Variants in RPH3A observed in about 807,000 individuals in gnomAD.
The protein encoded by RPH3A is rabphilin-3A.
Under a neutral mutation model 102.2 loss-of-function variants are expected in RPH3A, and 48 were observed. The ratio of observed to expected loss-of-function variants is 0.47; its 90% CI spans 0.37 to 0.60. The LOEUF is 0.60. RPH3A is among the 20% of genes least tolerant of loss of function. The pLI, the probability that RPH3A is intolerant of heterozygous loss-of-function variation, is 0.00. For missense variants in RPH3A, 781 were observed against 910.1 expected, an observed-to-expected ratio of 0.86 and a Z score of 1.83; for synonymous variants, 310 against 324.3, an observed-to-expected ratio of 0.96 and a Z score of 0.47.
At chr12:112,839,970 C>A (rs901697749) in intron 4 of RPH3A, among the ~76,000 whole-genome samples, 3 of 152,072 alleles carry the variant, frequency 2.0e-5, no homozygotes, top group Non-Finnish European at 4.4e-5. Context: ...GCCTGGGCAA[C>A]CGAGTGAGAC....
At chr12:112,755,621 G>T (rs1259189761) in intron 1 of RPH3A, among the ~76,000 whole-genome samples, 2 of 152,086 alleles carry the variant, frequency 1.3e-5, no homozygotes, top group African/African-American at 4.8e-5. Context: ...GCATGCCCTG[G>T]TTAACTATTA....
intron 20 of RPH3A, 169 bp from the exon 21 acceptor site, chr12:112,895,608 G>A (rs1593141224): frequency 3.5e-6 from 2 of 570,358 alleles, no homozygotes; most frequent in East Asian, 5.6e-5. Context: ...TGTTGGAAGG[G>A]GATCACGGGA....
At chr12:112,620,743 C>T (rs2039715691) in intron 1 of RPH3A, among the ~76,000 whole-genome samples, 1 of 152,166 alleles carries the variant, frequency 6.6e-6, no homozygotes, top group Non-Finnish European at 1.5e-5. Context: ...CGTGGTCTTG[C>T]CACTGCCATT....
intron 1 of RPH3A, among the ~76,000 whole-genome samples, chr12:112,783,072 C>T (rs1353870879): frequency 1.3e-5 from 2 of 152,140 alleles, no homozygotes; most frequent in African/African-American, 2.4e-5. Context: ...GAGATGGGCT[C>T]TCACCATTTC....
At chr12:112,597,414 C>T (rs994721006) in intron 1 of RPH3A, among the ~76,000 whole-genome samples, 1 of 152,004 alleles carries the variant, frequency 6.6e-6, no homozygotes, top group Non-Finnish European at 1.5e-5. Context: ...AAAACCCCAC[C>T]TCTACTAAAA....
Position 112,656,143 on chromosome 12 carries a change from A to AG in RPH3A, c.-140+80824_-140+80825insG, listed in dbSNP as rs572089274. On this transcript the variant is annotated intron_variant, in intron 1 of 21. Coordinates refer to the RPH3A transcript ENST00000543106. Reference sequence around the variant, plus strand: ...ATGATGCAGCCACAAGTCTTGGTAAACACAGATGTATGAGGCTGCTTCTGG... The same window carrying AG: ...ATGATGCAGCCACAAGTCTTGGTAAAGCACAGATGTATGAGGCTGCTTCTGG... 2.3e-4 allele frequency among the ~76,000 whole-genome samples: 35 copies of AG among 152,356 alleles called. No individual in the cohort carries two copies. The East Asian group carries it at 5.8e-3, about 25-fold the overall frequency.
At chr12:112,618,989 A>G (rs2039701224) in intron 1 of RPH3A, among the ~76,000 whole-genome samples, 1 of 152,174 alleles carries the variant, frequency 6.6e-6, no homozygotes, top group Admixed American at 6.5e-5. Context: ...TTCACTTAGC[A>G]TCGTGTTTTC....
intron 2 of RPH3A, among the ~76,000 whole-genome samples, chr12:112,822,180 T>A (rs1480122389): frequency 6.6e-6 from 1 of 152,170 alleles, no homozygotes; most frequent in Non-Finnish European, 1.5e-5. Context: ...AGGAAAGAGA[T>A]CAAGAGATGG....
At chr12:112,757,998 T>C (rs572294461) in intron 1 of RPH3A, among the ~76,000 whole-genome samples, 1 of 152,298 alleles carries the variant, frequency 6.6e-6, no homozygotes, top group South Asian at 2.1e-4. Flanking sequence ...TAGTCCCTTG[T>C]ATCACTCATA....
chr12:112,735,873 A>G (rs1230316532), intron 1 of RPH3A, among the ~76,000 whole-genome samples: 1 of 152,156 alleles, frequency 6.6e-6, no homozygotes, highest in African/African-American at 2.4e-5. Flanking sequence ...ACTGGGATCT[A>G]TTCCTACCCT....
intron 1 of RPH3A, among the ~76,000 whole-genome samples, chr12:112,596,252 C>T (rs1176133848): frequency 1.3e-5 from 2 of 152,130 alleles, no homozygotes; most frequent in African/African-American, 4.8e-5. Context: ...AGTGACCCTC[C>T]TACCTTAGCC....
intron 1 of RPH3A, among the ~76,000 whole-genome samples, chr12:112,650,574 A>G (rs2039966550): frequency 1.3e-5 from 2 of 151,908 alleles, no homozygotes; most frequent in Admixed American, 1.3e-4. Flanking sequence ...TTTTTATTTT[A>G]TTTATTTATT....
At chr12:112,705,825 G>T (rs1020971514) in intron 1 of RPH3A, among the ~76,000 whole-genome samples, 2 of 152,096 alleles carry the variant, frequency 1.3e-5, no homozygotes, top group Non-Finnish European at 2.9e-5. Context: ...AAATCTAAGT[G>T]TATCAACAGC....
chr12:112,759,494 AG>A (rs1565872179), intron 1 of RPH3A, among the ~76,000 whole-genome samples: 1 of 152,128 alleles, frequency 6.6e-6, no homozygotes, highest in Non-Finnish European at 1.5e-5. Flanking sequence ...GTAATTAGAG[AG>A]TGCTGCTTGA....
At chr12:112,849,951 G>C (rs894436656) in intron 5 of RPH3A, among the ~76,000 whole-genome samples, 3 of 152,324 alleles carry the variant, frequency 2.0e-5, no homozygotes, top group Admixed American at 1.3e-4. Flanking sequence ...GGGGGTCAGG[G>C]GAGGTCCTTG....
chr12:112,826,273 C>A (rs2041870948), intron 2 of RPH3A, among the ~76,000 whole-genome samples: 1 of 152,074 alleles, frequency 6.6e-6, no homozygotes, highest in Non-Finnish European at 1.5e-5. Flanking sequence ...GAGGGAGCAG[C>A]AGGAAGGCCT....
intron 1 of RPH3A, among the ~76,000 whole-genome samples, chr12:112,772,907 T>A (rs990461195): frequency 1.3e-5 from 2 of 152,006 alleles, no homozygotes; most frequent in Non-Finnish European, 2.9e-5. Flanking sequence ...CCCTCAAGTA[T>A]CCAAAGTCCA....
At chr12:112,636,153 G>A (rs1381348986) in intron 1 of RPH3A, among the ~76,000 whole-genome samples, 1 of 152,134 alleles carries the variant, frequency 6.6e-6, no homozygotes, top group African/African-American at 2.4e-5. Flanking sequence ...TGAAACATTT[G>A]ACTTTCACCT....
chr12:112,618,437 C>T (rs571580271), intron 1 of RPH3A, among the ~76,000 whole-genome samples: 9 of 152,244 alleles, frequency 5.9e-5, no homozygotes, highest in Non-Finnish European at 1.3e-4. Context: ...AGATGACCCT[C>T]CCCCTTAGAA....
Sources: gnomAD v4.1 joint callset for allele counts (sites outside exome capture counted in the v4.1 genomes callset) on GRCh38, gnomAD v4.1.1 for gene constraint, MANE v1.5 for transcripts, NCBI Gene and HGNC (gene_info 2026-07-23, HGNC 2026-07-21) for gene names.